Variants in TRAPPC9 observed in about 807,000 individuals in gnomAD.
TRAPPC9 encodes the protein trafficking protein particle complex subunit 9, also known as IKK2 binding protein.
In TRAPPC9, 83 loss-of-function variants were observed where a neutral mutation model predicts 124.0. The observed-to-expected ratio is 0.67, with a 90% confidence interval of 0.56 to 0.80. TRAPPC9 has a LOEUF of 0.80. Ranked by LOEUF, TRAPPC9 falls within the 30% of genes least tolerant of loss-of-function variation. TRAPPC9 has a pLI of 0.00. For missense variants in TRAPPC9, 1,302 were observed against 1,508.3 expected, an observed-to-expected ratio of 0.86 and a Z score of 2.27; for synonymous variants, 638 against 617.5, an observed-to-expected ratio of 1.03 and a Z score of -0.49.
intron 2 of TRAPPC9, among the ~76,000 whole-genome samples, chr8:140,446,129 C>T (rs1014423766): frequency 2.0e-5 from 3 of 151,998 alleles, no homozygotes; most frequent in Non-Finnish European, 2.9e-5. Flanking sequence ...CCTGTCTGTA[C>T]TAAAAATACA....
At chr8:140,092,145 A>G (rs1040470208) in intron 17 of TRAPPC9, among the ~76,000 whole-genome samples, 5 of 150,362 alleles carry the variant, frequency 3.3e-5, no homozygotes, top group African/African-American at 9.8e-5. Flanking sequence ...TATGTACTCT[A>G]CTAATAAAAG....
rs75123676 is a variant in TRAPPC9 at position 140,085,035 on chromosome 8, T to C, written c.2557-60956A>G. ...GAAAGCTTTACATCTGTGTGATCTA[T>C]AGCCAATCCAGGTACAGATTCATGG... On this transcript the variant is annotated intron_variant, in intron 17 of 22. Coordinates refer to ENST00000438773, the MANE Select transcript of TRAPPC9 (RefSeq NM_001160372.4). Among the ~76,000 whole-genome samples, 1,011 of 152,338 alleles carry C rather than the reference T, an allele frequency of 6.6e-3. 13 individuals carry two copies. The highest frequency in any genetic ancestry group is 0.023 in the African/African-American group (970 of 41,574).
chr8:139,959,828 G>A (rs1020168521), intron 19 of TRAPPC9, among the ~76,000 whole-genome samples: 5 of 152,178 alleles, frequency 3.3e-5, no homozygotes, highest in Non-Finnish European at 7.3e-5. Flanking sequence ...AAGACCCCAG[G>A]CAGGTGGAGA....
chr8:140,228,073 A>G (rs577630473), intron 16 of TRAPPC9, among the ~76,000 whole-genome samples: 1 of 152,348 alleles, frequency 6.6e-6, no homozygotes, highest in South Asian at 2.1e-4. Flanking sequence ...GGACCCTTGC[A>G]GGGGCTTAGC....
intron 19 of TRAPPC9, among the ~76,000 whole-genome samples, chr8:139,976,622 G>T (rs770816400): frequency 6.6e-6 from 1 of 152,230 alleles, no homozygotes; most frequent in Middle Eastern, 3.2e-3. Context: ...CACCACAAGG[G>T]ATCTGCGCAC....
chr8:139,802,963 T>C (rs1488422977), intron 21 of TRAPPC9, among the ~76,000 whole-genome samples: 2 of 151,180 alleles, frequency 1.3e-5, no homozygotes, highest in East Asian at 1.9e-4. Flanking sequence ...ATGTGTGCTG[T>C]TGTGTGAGTG....
intron 21 of TRAPPC9, among the ~76,000 whole-genome samples, chr8:139,813,899 T>TG (rs5895620): frequency 0.081 from 12,313 of 152,000 alleles, 1,656 homozygotes; most frequent in African/African-American, 0.28. Context: ...GGTGACAGCG[T>TG]GGGGGCAGAG....
chr8:139,994,163 G>C (rs1837820429), intron 18 of TRAPPC9, among the ~76,000 whole-genome samples: 1 of 152,232 alleles, frequency 6.6e-6, no homozygotes, highest in Non-Finnish European at 1.5e-5. Context: ...TAGTGCTTAG[G>C]GAAGGGATGC....
chr8:140,427,227 C>T (rs1588335458), intron 4 of TRAPPC9, among the ~76,000 whole-genome samples: 1 of 151,710 alleles, frequency 6.6e-6, no homozygotes, highest in Non-Finnish European at 1.5e-5. Context: ...TATGACAATT[C>T]CTTATTTCCA....
chr8:139,747,912 T>C (rs1320979487), intron 21 of TRAPPC9, among the ~76,000 whole-genome samples: 1 of 65,156 alleles, frequency 1.5e-5, no homozygotes, highest in Non-Finnish European at 2.6e-5. Flanking sequence ...AGGGGGGGCA[T>C]ACAGGGGTCA....
At chr8:139,807,367 G>A (rs951107055) in intron 21 of TRAPPC9, among the ~76,000 whole-genome samples, 3 of 152,156 alleles carry the variant, frequency 2.0e-5, no homozygotes, top group African/African-American at 7.2e-5. Flanking sequence ...GGGGCAAAGC[G>A]GACAGCTGGC....
At chr8:140,369,574 C>A (rs2068219708) in intron 8 of TRAPPC9, among the ~76,000 whole-genome samples, 1 of 152,132 alleles carries the variant, frequency 6.6e-6, no homozygotes, top group African/African-American at 2.4e-5. Context: ...TATCCAAAAG[C>A]AGAACTTTTG....
At chr8:140,235,519 A>C (rs1180340231) in intron 16 of TRAPPC9, among the ~76,000 whole-genome samples, 3 of 152,238 alleles carry the variant, frequency 2.0e-5, no homozygotes, top group Non-Finnish European at 4.4e-5. Context: ...TATATATCCA[A>C]ATAATAAGTA....
intron 21 of TRAPPC9, among the ~76,000 whole-genome samples, chr8:139,779,766 A>G (rs1304615091): frequency 6.6e-6 from 1 of 151,758 alleles, no homozygotes; most frequent in Non-Finnish European, 1.5e-5. Flanking sequence ...TGTCTATTAG[A>G]AAATCTAAAA....
In TRAPPC9 at chr8:140,249,090, T is replaced by G. The variant is rs112085173; in HGVS notation, c.2431+3687A>C. ...TCAGGTTTGTTACATGAGTATACTG[T>G]GTGATGCTGAGGTTTGGGAAATGAG... is the stretch of plus-strand genomic sequence containing the variant. On this transcript the variant is annotated intron_variant, in intron 16 of 22. Transcript: ENST00000438773. Among the ~76,000 whole-genome samples, 46 of 152,286 alleles carry G rather than the reference T, an allele frequency of 3.0e-4. 2 individuals carry two copies. Among genetic ancestry groups the G allele is most frequent in the African/African-American group, 1.1e-3 (44 of 41,560 alleles).
At chr8:140,232,984 G>A (rs2063635954) in intron 16 of TRAPPC9, among the ~76,000 whole-genome samples, 2 of 152,120 alleles carry the variant, frequency 1.3e-5, no homozygotes, top group South Asian at 4.1e-4. Flanking sequence ...TGTTTCGTGT[G>A]TTCTTCACAG....
intron 21 of TRAPPC9, among the ~76,000 whole-genome samples, chr8:139,780,506 T>C (rs1201257039): frequency 6.6e-6 from 1 of 152,170 alleles, no homozygotes; most frequent in Non-Finnish European, 1.5e-5. Context: ...ATAGACTTTA[T>C]GCCCTTCACA....
intron 21 of TRAPPC9, among the ~76,000 whole-genome samples, chr8:139,873,434 T>A (rs1829128024): frequency 1.3e-5 from 2 of 152,136 alleles, no homozygotes; most frequent in African/African-American, 4.8e-5. Flanking sequence ...CCCCAGCACC[T>A]TCCCCCACCC....
At chr8:140,352,834 A>G (rs993151717) in intron 9 of TRAPPC9, among the ~76,000 whole-genome samples, 1 of 152,080 alleles carries the variant, frequency 6.6e-6, no homozygotes, top group African/African-American at 2.4e-5. Context: ...GCTGTTCCCT[A>G]TTTCTCTCTC....
Sources: gnomAD v4.1 joint callset for allele counts (sites outside exome capture counted in the v4.1 genomes callset) on GRCh38, gnomAD v4.1.1 for gene constraint, MANE v1.5 for transcripts, NCBI Gene and HGNC (gene_info 2026-07-23, HGNC 2026-07-21) for gene names.